The following RNF10 variants were observed in gnomAD, a reference collection of about 807,000 sequenced individuals.
RNF10 encodes ring finger protein 10.
Under a neutral mutation model 91.4 loss-of-function variants are expected in RNF10, and 38 were observed. The ratio of observed to expected loss-of-function variants is 0.42; its 90% confidence interval spans 0.32 to 0.54. RNF10 has a LOEUF of 0.54. RNF10 is among the 20% of genes least tolerant of loss of function. The pLI, the probability that RNF10 is intolerant of heterozygous loss-of-function variation, is 0.16. For synonymous variants in RNF10, 364 were observed against 366.3 expected, an observed-to-expected ratio of 0.99 and a Z score of 0.07; for missense variants, 945 against 1,012.0, an observed-to-expected ratio of 0.93 and a Z score of 0.90.
At chr12:120,552,721 G>C in intron 3 of RNF10, 23 bp downstream of exon 3, 1 of 1,606,218 alleles carries the variant, frequency 6.2e-7, no homozygotes, top group Non-Finnish European at 8.5e-7. Context: ...ACCCCTCAGA[G>C]GAAAGGGAAA....
intron 2 of RNF10, among the ~76,000 whole-genome samples, chr12:120,550,202 A>C (rs772059016): frequency 3.9e-5 from 6 of 152,170 alleles, no homozygotes; most frequent in African/African-American, 1.4e-4. Context: ...ACATGTAGCT[A>C]CTGGCTGCTG....
intron 4 of RNF10, among the ~76,000 whole-genome samples, chr12:120,556,903 A>G (rs965227564): frequency 6.6e-6 from 1 of 151,980 alleles, no homozygotes; most frequent in African/African-American, 2.4e-5. Context: ...CGGTAATTCC[A>G]GGACTTTGGG....
chr12:120,573,563 T>G (rs1231902596), intron 14 of RNF10, among the ~76,000 whole-genome samples: 2 of 151,362 alleles, frequency 1.3e-5, no homozygotes, highest in African/African-American at 4.9e-5. Flanking sequence ...TATAAAAGAT[T>G]ACCCGACGCC....
intron 13 of RNF10, among the ~76,000 whole-genome samples, chr12:120,570,422 G>T (rs1876455910): frequency 6.6e-6 from 1 of 151,994 alleles, no homozygotes; most frequent in Non-Finnish European, 1.5e-5. Flanking sequence ...CTGACCTCAG[G>T]TGATCCACCC....
chr12:120,537,896 A>G (rs186131861), intron 1 of RNF10, among the ~76,000 whole-genome samples: 14 of 152,264 alleles, frequency 9.2e-5, no homozygotes, highest in Admixed American at 7.9e-4. Flanking sequence ...AGGAAACTGG[A>G]TATTGGCTGA....
intron 4 of RNF10, 144 bp downstream of exon 4, chr12:120,554,952 C>A: frequency 3.0e-6 from 2 of 659,028 alleles, no homozygotes; most frequent in South Asian, 3.6e-5. Context: ...GAGGTCAGTT[C>A]CTGGTTCTTC....
intron 12 of RNF10, among the ~76,000 whole-genome samples, chr12:120,566,374 G>A (rs1465773449): frequency 6.6e-6 from 1 of 152,152 alleles, no homozygotes; most frequent in Non-Finnish European, 1.5e-5. Context: ...ATTATAGAAG[G>A]ACAGTTATTG....
rs187529557 is a variant in RNF10 at position 120,538,901 on chromosome 12, A to G, written c.157+3933A>G. Among the ~76,000 whole-genome samples, 151 of 152,330 alleles carry G rather than the reference A, an allele frequency of 9.9e-4. 2 individuals carry two copies. The highest frequency in any genetic ancestry group is 3.4e-3 in the African/African-American group (142 of 41,580). On this transcript the variant is annotated intron_variant, in intron 1 of 16. Coordinates refer to ENST00000325954, the MANE Select transcript of RNF10 (RefSeq NM_014868.5). ...CTTGAAGAATGCCTCTGAGCTGTAA[A>G]TGGACCTGGAGATTTTAATGGCTTT...
chr12:120,547,958 C>T (rs1405695207), intron 2 of RNF10, among the ~76,000 whole-genome samples: 8 of 151,996 alleles, frequency 5.3e-5, no homozygotes, highest in African/African-American at 1.7e-4. Flanking sequence ...TGGTGAGAGA[C>T]GTTAAGATTT....
intron 1 of RNF10, among the ~76,000 whole-genome samples, chr12:120,542,170 TC>T (rs1470930597): frequency 6.6e-6 from 1 of 152,118 alleles, no homozygotes; most frequent in African/African-American, 2.4e-5. Flanking sequence ...CTGGCCTTTT[TC>T]TTTTTTTGAG....
At chr12:120,547,002 T>C (rs1415117954) in intron 2 of RNF10, among the ~76,000 whole-genome samples, 1 of 152,216 alleles carries the variant, frequency 6.6e-6, no homozygotes, top group Admixed American at 6.6e-5. Flanking sequence ...TTCTTAGCTA[T>C]GCTTCTGTAA....
At chr12:120,541,040 A>G (rs1180042310) in intron 1 of RNF10, among the ~76,000 whole-genome samples, 1 of 152,072 alleles carries the variant, frequency 6.6e-6, no homozygotes, top group African/African-American at 2.4e-5. Context: ...TATTTTTAGT[A>G]GAGACGGGGT....
intron 2 of RNF10, among the ~76,000 whole-genome samples, chr12:120,549,354 T>C (rs1489007127): frequency 1.3e-5 from 2 of 152,092 alleles, no homozygotes; most frequent in African/African-American, 4.8e-5. Flanking sequence ...CACATGAGGG[T>C]CTACTGTGGT....
At chr12:120,574,424 TC>T in intron 14 of RNF10, 1 of 455,850 alleles carries the variant, frequency 2.2e-6, no homozygotes, top group South Asian at 1.5e-5. Flanking sequence ...GAATGAAAAT[TC>T]CTCAGGGGCA....
chr12:120,557,745 AT>A, intron 6 of RNF10, 63 bp downstream of exon 6: 1 of 1,566,578 alleles, frequency 6.4e-7, no homozygotes, highest in Non-Finnish European at 8.8e-7. Flanking sequence ...GATTGAATAT[AT>A]CTAAGCATCA....
intron 1 of RNF10, among the ~76,000 whole-genome samples, chr12:120,545,200 A>C (rs1217738007): frequency 6.6e-6 from 1 of 152,212 alleles, no homozygotes; most frequent in Non-Finnish European, 1.5e-5. Flanking sequence ...TTATTTTTTG[A>C]GACGGAGTCT....
intron 1 of RNF10, among the ~76,000 whole-genome samples, chr12:120,539,990 A>T (rs1387013171): frequency 6.6e-6 from 1 of 151,694 alleles, no homozygotes; most frequent in African/African-American, 2.4e-5. Context: ...GTCCACCACC[A>T]CACCGGCCTA....
At chr12:120,550,003 G>A (rs952139135) in intron 2 of RNF10, among the ~76,000 whole-genome samples, 11 of 152,130 alleles carry the variant, frequency 7.2e-5, no homozygotes, top group African/African-American at 2.6e-4. Context: ...AGAGGTTGTG[G>A]TTGTTGGTCT....
At chr12:120,562,812 A>G in intron 7 of RNF10, 133 bp from the exon 8 acceptor site, 1 of 1,026,812 alleles carries the variant, frequency 9.7e-7, no homozygotes, top group Non-Finnish European at 1.5e-6. Flanking sequence ...TTAAGCACCT[A>G]ATTCCTTCCC....
Sources: allele counts gnomAD v4.1 joint callset (sites outside exome capture counted in the v4.1 genomes callset), GRCh38; gene constraint gnomAD v4.1.1; transcripts MANE v1.5; gene names NCBI Gene and HGNC (gene_info 2026-07-23, HGNC 2026-07-21).